XKR9: variants seen among roughly 807,000 people sequenced by gnomAD.
XKR9 encodes XK-related protein 9.
Under a neutral mutation model 32.0 loss-of-function variants are expected in XKR9, and 32 were observed. That is an observed-to-expected ratio of 1.00 (90% CI 0.76 to 1.34). The LOEUF is 1.34. Among genes scored for constraint, XKR9 ranks in the 40% most tolerant of loss-of-function variants. XKR9 has a pLI of 0.00. For synonymous variants in XKR9, 168 were observed against 143.4 expected (o/e 1.17, Z -1.22); for missense variants, 546 against 429.7 (o/e 1.27, Z -2.39).
At chr8:70,954,342 G>A in the XKR9 span, among the ~76,000 whole-genome samples, 1 of 152,182 alleles carries the variant, frequency 6.6e-6, no homozygotes, top group African/African-American at 2.4e-5. Flanking sequence ...AGGAGCTGGG[G>A]ATGGGGTCTC....
chr8:70,918,569 A>G, the XKR9 span, among the ~76,000 whole-genome samples: 6 of 151,970 alleles, frequency 3.9e-5, no homozygotes, highest in Non-Finnish European at 8.8e-5. Context: ...AGGTAACAGT[A>G]TTAGTCTCAG....
the XKR9 span, among the ~76,000 whole-genome samples, chr8:71,026,595 C>T: frequency 3.5e-4 from 53 of 152,246 alleles, no homozygotes; most frequent in African/African-American, 1.2e-3. Flanking sequence ...TAATCAAATG[C>T]GTTGGAGTTA....
At chr8:70,675,903 T>A (rs555161777) in intron 2 of XKR9, among the ~76,000 whole-genome samples, 58 of 152,340 alleles carry the variant, frequency 3.8e-4, no homozygotes, top group African/African-American at 1.3e-3. Flanking sequence ...TGCCTGTTAC[T>A]CAGTTCTAAC....
the XKR9 span, among the ~76,000 whole-genome samples, chr8:71,015,073 A>G: frequency 6.6e-6 from 1 of 152,190 alleles, no homozygotes; most frequent in Admixed American, 6.5e-5. Flanking sequence ...TGTTGTTGGA[A>G]AAGCATGAAA....
the XKR9 span, among the ~76,000 whole-genome samples, chr8:70,981,577 C>CTTTA: frequency 9.2e-5 from 14 of 152,026 alleles, no homozygotes; most frequent in African/African-American, 3.4e-4. Flanking sequence ...TTAAGTTGAA[C>CTTTA]TTTACCTTTC....
chr8:71,030,673 AAG>A, the XKR9 span, among the ~76,000 whole-genome samples: 1 of 152,218 alleles, frequency 6.6e-6, no homozygotes, highest in Non-Finnish European at 1.5e-5. Flanking sequence ...AGAGGCAAAA[AAG>A]AGAGTTTAGG....
At chr8:71,013,249 G>C in the XKR9 span, among the ~76,000 whole-genome samples, 3 of 152,150 alleles carry the variant, frequency 2.0e-5, no homozygotes, top group African/African-American at 2.4e-5. Flanking sequence ...ATGAAGGGTA[G>C]GGGCCATTGT....
the XKR9 span, among the ~76,000 whole-genome samples, chr8:70,798,502 G>T: frequency 6.6e-6 from 1 of 152,130 alleles, no homozygotes; most frequent in Non-Finnish European, 1.5e-5. Context: ...TCTGTAGGTT[G>T]TCCGTTTACT....
chr8:71,023,587 G>A, the XKR9 span, among the ~76,000 whole-genome samples: 1 of 152,146 alleles, frequency 6.6e-6, no homozygotes, highest in East Asian at 1.9e-4. Context: ...ATTCTTGGGT[G>A]TCCAGGGAGC....
At chr8:71,020,671 TA>T in the XKR9 span, among the ~76,000 whole-genome samples, 1 of 152,208 alleles carries the variant, frequency 6.6e-6, no homozygotes, top group Non-Finnish European at 1.5e-5. Flanking sequence ...AGGGCATATG[TA>T]GTATTTTGTT....
At chr8:70,710,795 AC>A in intron 4 of XKR9, among the ~76,000 whole-genome samples, 1 of 152,278 alleles carries the variant, frequency 6.6e-6, no homozygotes, top group Admixed American at 6.5e-5. Context: ...ACTTAATTAA[AC>A]TAAAGAGCTT....
chr8:71,016,518 C>G, the XKR9 span, among the ~76,000 whole-genome samples: 2 of 152,188 alleles, frequency 1.3e-5, no homozygotes, highest in Non-Finnish European at 2.9e-5. Context: ...TGGACCTACT[C>G]TTTCTTACTC....
chr8:70,672,365 A>T, intron 1 of XKR9, among the ~76,000 whole-genome samples: 1 of 57,224 alleles, frequency 1.7e-5, no homozygotes, highest in South Asian at 3.2e-4. Context: ...CTGGTACCAA[A>T]ACAGAGATAT....
chr8:70,689,908 G>A (rs1397212906), intron 3 of XKR9, among the ~76,000 whole-genome samples: 7 of 152,046 alleles, frequency 4.6e-5, no homozygotes, highest in African/African-American at 1.4e-4. Flanking sequence ...TGGCCATGGG[G>A]GAGGGTAAAA....
chr8:70,943,078 G>A, the XKR9 span, among the ~76,000 whole-genome samples: 1 of 152,084 alleles, frequency 6.6e-6, no homozygotes, highest in Non-Finnish European at 1.5e-5. Context: ...ATTAATAACC[G>A]AAGGAATGAA....
At chr8:70,683,384 TTATG>T (rs1819150651) in intron 3 of XKR9, 1 of 336,024 alleles carries the variant, frequency 3.0e-6, no homozygotes, top group Admixed American at 4.3e-5. Context: ...TTTTTCTACT[TTATG>T]TAGTTAAATT....
chr8:70,694,060 G>A (rs1416278915), intron 3 of XKR9, among the ~76,000 whole-genome samples: 2 of 152,036 alleles, frequency 1.3e-5, no homozygotes, highest in African/African-American at 4.8e-5. Context: ...GCACTTTTCT[G>A]TAGGGCTGCT....
chr8:70,889,487 G>T, the XKR9 span, among the ~76,000 whole-genome samples: 1 of 151,812 alleles, frequency 6.6e-6, no homozygotes, highest in Non-Finnish European at 1.5e-5. Context: ...GGTTTAGGGT[G>T]TGATTGATCT....
At chr8:70,775,929 C>T (rs1479742786) in intron 2 of XKR9, among the ~76,000 whole-genome samples, 3 of 151,744 alleles carry the variant, frequency 2.0e-5, no homozygotes, top group Non-Finnish European at 4.4e-5. Context: ...ATTTTTTTGT[C>T]GAGATGGGGT....
Sources: allele counts gnomAD v4.1 joint callset (sites outside exome capture counted in the v4.1 genomes callset), GRCh38; gene constraint gnomAD v4.1.1; transcripts MANE v1.5; gene names NCBI Gene and HGNC (gene_info 2026-07-23, HGNC 2026-07-21).